The following SLIT3 variants were observed in gnomAD, a reference collection of about 807,000 sequenced individuals.
SLIT3 encodes slit homolog 3 protein.
A neutral mutation model predicts 184.0 loss-of-function variants in SLIT3; 68 were observed. That is an observed-to-expected ratio of 0.37 (90% CI 0.30 to 0.45). The LOEUF is 0.45. Among genes scored for constraint, SLIT3 ranks in the 20% least tolerant of loss-of-function variants. The pLI, the probability that SLIT3 is intolerant of heterozygous loss-of-function variation, is 1.00. For synonymous variants in SLIT3, 831 were observed against 828.6 expected, an observed-to-expected ratio of 1.00 and a Z score of -0.05; for missense variants, 1,707 against 2,026.0, an observed-to-expected ratio of 0.84 and a Z score of 3.02.
intron 8 of SLIT3, among the ~76,000 whole-genome samples, chr5:168,811,672 C>G (rs1421631772): frequency 1.3e-5 from 2 of 152,186 alleles, no homozygotes; most frequent in Non-Finnish European, 2.9e-5. Flanking sequence ...AGCTATCACC[C>G]CATCCCAGTT....
At chr5:169,253,890 T>C (rs183958290) in intron 1 of SLIT3, among the ~76,000 whole-genome samples, 2 of 152,304 alleles carry the variant, frequency 1.3e-5, no homozygotes, top group Non-Finnish European at 2.9e-5. Context: ...CCCAGCCCAC[T>C]GCCTGTCCTT....
chr5:168,840,224 G>A (rs1013990940), intron 6 of SLIT3, among the ~76,000 whole-genome samples: 1 of 152,156 alleles, frequency 6.6e-6, no homozygotes, highest in African/African-American at 2.4e-5. Context: ...GGAGATGAGA[G>A]CATTTTCAGG....
chr5:168,946,323 C>T (rs929007372), intron 4 of SLIT3, among the ~76,000 whole-genome samples: 2 of 152,220 alleles, frequency 1.3e-5, no homozygotes, highest in Non-Finnish European at 2.9e-5. Flanking sequence ...ATCAGTCCTG[C>T]TGCAGGACCT....
intron 4 of SLIT3, among the ~76,000 whole-genome samples, chr5:168,985,840 C>T (rs867672604): frequency 7.6e-5 from 11 of 144,878 alleles, no homozygotes; most frequent in Admixed American, 2.7e-4. Context: ...GGGATGATGG[C>T]GGGGGGTAGG....
intron 4 of SLIT3, among the ~76,000 whole-genome samples, chr5:169,179,174 G>C (rs1463351691): frequency 6.6e-6 from 1 of 151,806 alleles, no homozygotes; most frequent in Non-Finnish European, 1.5e-5. Flanking sequence ...ATTCACCAGA[G>C]GTCTTTCAAA....
chr5:168,688,186 G>A (rs1178275705), intron 29 of SLIT3, among the ~76,000 whole-genome samples: 2 of 152,192 alleles, frequency 1.3e-5, no homozygotes, highest in Admixed American at 6.5e-5. Context: ...GCTTACTGGC[G>A]CTTCTGCCTT....
At chr5:168,690,986 G>C (rs73322439) in intron 29 of SLIT3, among the ~76,000 whole-genome samples, 2,786 of 152,246 alleles carry the variant, frequency 0.018, 82 homozygotes, top group African/African-American at 0.063. Flanking sequence ...CCACCCTCAA[G>C]GGTCACCCAC....
chr5:169,049,529 G>A (rs1026343175), intron 4 of SLIT3, among the ~76,000 whole-genome samples: 43 of 152,202 alleles, frequency 2.8e-4, no homozygotes, highest in Non-Finnish European at 5.6e-4. Context: ...CAGCAGTGGA[G>A]AACTGGAAAG....
chr5:169,198,321 T>C (rs1191622459), intron 3 of SLIT3, among the ~76,000 whole-genome samples: 1 of 152,086 alleles, frequency 6.6e-6, no homozygotes, highest in Non-Finnish European at 1.5e-5. Context: ...CCAAGGAAGA[T>C]GGTTTTGAGT....
intron 10 of SLIT3, chr5:168,791,529 G>A (rs935152963): frequency 6.6e-6 from 1 of 152,082 alleles, no homozygotes; most frequent in Non-Finnish European, 1.5e-5. Flanking sequence ...TTCTCTCAAT[G>A]GATTGTTCAC....
At chr5:168,778,745 A>C (rs1755856524) in intron 12 of SLIT3, among the ~76,000 whole-genome samples, 1 of 152,236 alleles carries the variant, frequency 6.6e-6, no homozygotes, top group Non-Finnish European at 1.5e-5. Context: ...GCAATAGCAC[A>C]CAAGGTGGGA....
intron 14 of SLIT3, among the ~76,000 whole-genome samples, chr5:168,767,662 A>T (rs1164762196): frequency 6.6e-6 from 1 of 152,250 alleles, no homozygotes; most frequent in Non-Finnish European, 1.5e-5. Context: ...AGTTTCACCC[A>T]TTCTCATGCT....
At chr5:169,171,302 C>G (rs1762810447) in intron 4 of SLIT3, among the ~76,000 whole-genome samples, 1 of 152,196 alleles carries the variant, frequency 6.6e-6, no homozygotes, top group Non-Finnish European at 1.5e-5. Context: ...CTCTTAAGAA[C>G]CATATGGCAC....
intron 2 of SLIT3, 143 bp from the exon 3 acceptor site, chr5:169,244,919 A>AAGATAACTCATATCCCAGCTTGGTGTCAC (rs1765536914): frequency 4.2e-6 from 3 of 714,690 alleles, no homozygotes; most frequent in Non-Finnish European, 7.3e-6. Context: ...CTGATGGGAC[A>AAGATAACTCATATCCCAGCTTGGTGTCAC]AGATAACTCA....
chr5:168,834,784 A>ACACTGTTT (rs935295851), intron 6 of SLIT3, among the ~76,000 whole-genome samples: 2 of 150,330 alleles, frequency 1.3e-5, no homozygotes, highest in Non-Finnish European at 3.0e-5. Flanking sequence ...GCTAGAAAAG[A>ACACTGTTT]CACTGTTTAA....
chr5:168,865,878 T>C (rs143763079), intron 5 of SLIT3, among the ~76,000 whole-genome samples: 47 of 152,372 alleles, frequency 3.1e-4, no homozygotes, highest in African/African-American at 1.1e-3. Context: ...AATTGGAATA[T>C]ATGATTTGAT....
At chr5:168,671,869 C>G (rs1327239320) in intron 33 of SLIT3, among the ~76,000 whole-genome samples, 1 of 152,170 alleles carries the variant, frequency 6.6e-6, no homozygotes, top group Non-Finnish European at 1.5e-5. Context: ...CACCAGGCTC[C>G]TCAGCCCTTT....
intron 4 of SLIT3, among the ~76,000 whole-genome samples, chr5:169,077,968 GTT>G (rs1429882413): frequency 6.6e-6 from 1 of 151,984 alleles, no homozygotes; most frequent in African/African-American, 2.4e-5. Flanking sequence ...GCCTTGCCAA[GTT>G]CATTGACAAC....
intron 5 of SLIT3, among the ~76,000 whole-genome samples, chr5:168,860,256 T>A (rs1025914684): frequency 6.6e-6 from 1 of 152,184 alleles, no homozygotes; most frequent in Non-Finnish European, 1.5e-5. Context: ...ACTTGATTGC[T>A]AACCCCTTGG....
Sources: gnomAD v4.1 joint callset for allele counts (sites outside exome capture counted in the v4.1 genomes callset) on GRCh38, gnomAD v4.1.1 for gene constraint, MANE v1.5 for transcripts, NCBI Gene and HGNC (gene_info 2026-07-23, HGNC 2026-07-21) for gene names.